CACNA1S: variants seen among roughly 807,000 people sequenced by gnomAD.
CACNA1S encodes the protein calcium voltage-gated channel subunit alpha1 S.
CACNA1S carries 126 observed loss-of-function variants against 207.4 expected under a neutral mutation model. The observed-to-expected ratio is 0.61, with a 90% CI of 0.53 to 0.70. CACNA1S has a LOEUF of 0.70. Among genes scored for constraint, CACNA1S ranks in the 30% least tolerant of loss-of-function variants. The pLI, the probability that CACNA1S is intolerant of heterozygous loss-of-function variation, is 0.00. For missense variants in CACNA1S, 2,349 were observed against 2,422.8 expected (o/e 0.97, Z 0.64); for synonymous variants, 960 against 932.7 (o/e 1.03, Z -0.53).
At chr1:201,099,316 G>C in intron 2 of CACNA1S, among the ~76,000 whole-genome samples, 1 of 152,316 alleles carries the variant, frequency 6.6e-6, no homozygotes, top group Middle Eastern at 3.4e-3. Flanking sequence ...CATGTGCCCC[G>C]CTGGAGGGTT....
intron 21 of CACNA1S, 24 bp from the exon 22 acceptor site, chr1:201,065,969 G>GC: frequency 2.6e-6 from 4 of 1,509,816 alleles, no homozygotes; most frequent in Non-Finnish European, 3.7e-6. Context: ...GGCCAATGGG[G>GC]ACTGGGGGTG....
chr1:201,054,906 C>T (rs758506981), intron 28 of CACNA1S, among the ~76,000 whole-genome samples: 7 of 152,162 alleles, frequency 4.6e-5, no homozygotes, highest in South Asian at 2.1e-4. Context: ...ATGCTGGGGA[C>T]GTCCCTAATG....
rs1426489241 is a variant in CACNA1S at position 201,061,449 on chromosome 1, C to T, written c.3073G>A (p.Asp1025Asn). 2 of 1,614,206 alleles carry T rather than the reference C, an allele frequency of 1.2e-6. No individual in the cohort carries two copies. Among genetic ancestry groups the T allele is most frequent in the Non-Finnish European group, 1.7e-6 (2 of 1,180,034 alleles). The change falls in exon 25 of 44, where the codon GAC (aspartate) becomes AAC (asparagine). Residue 1025 changes from aspartate to asparagine, a missense_variant. By Grantham distance (23) the Asp-to-Asn change is conservative. Transcript: ENST00000362061. The part of the protein sequence containing the change: ...GWPQLLYKAI[D>N]SNAEDVGPIY... ...GGACCCACGTCCTCCGCATTGGAGTCTATGGCCTTGTACAGCAGCCTGGGG... is the reference window on the plus strand; with the variant it reads ...GGACCCACGTCCTCCGCATTGGAGTTTATGGCCTTGTACAGCAGCCTGGGG...
In CACNA1S at chr1:201,053,189, T is replaced by C; in HGVS notation, c.3861+20A>G. 6.2e-7 allele frequency: 1 copy of C among 1,614,108 alleles called. No homozygotes were observed. Among genetic ancestry groups the C allele is most frequent in the Non-Finnish European group, 8.5e-7 (1 of 1,179,992 alleles). On this transcript the variant is annotated intron_variant, in intron 31 of 43. Coordinates refer to ENST00000362061, the MANE Select transcript of CACNA1S (RefSeq NM_000069.3). This position sits in a 1 kb window ranked among gnomAD's most constrained non-coding sequence, Gnocchi z 5.1. ...CTTGGCCAAGATCCATGCTTTGGCC[T>C]GGGCCCGCCTGCCTCTCACCTGCAT...
At chr1:201,051,179 T>C in intron 32 of CACNA1S, 36 bp from the exon 33 acceptor site, 1 of 1,613,152 alleles carries the variant, frequency 6.2e-7, no homozygotes, top group Non-Finnish European at 8.5e-7. Context: ...ACCTATCTGC[T>C]CCTGCCTGGC....
In CACNA1S at chr1:201,066,290, A is replaced by G. The variant is rs541312932; in HGVS notation, c.2684T>C (p.Ile895Thr). The G allele has an allele frequency of 6.2e-7, 1 of 1,612,538 alleles. No individual in the cohort carries two copies. Among genetic ancestry groups the G allele is most frequent in the Non-Finnish European group, 8.5e-7 (1 of 1,179,880 alleles). The change falls in exon 21 of 44, where the codon ATC (isoleucine) becomes ACC (threonine). Residue 895 changes from isoleucine (I) to threonine (T), a missense_variant. Ile to Thr is a moderately conservative substitution (Grantham distance 89). Transcript: ENST00000362061. The surrounding 1 kb of genome is among the most constrained non-coding windows in gnomAD (Gnocchi z 4.3). ...LESSAISVVK[I>T]LRVLRVLRPL... ...TCGGAGCACCCTCAGCACCCTCAGG[A>G]TCTTCACCACGGAGATGGCACTGGA...
rs1558055163 is a variant in CACNA1S, at chr1:201,048,662, G to A, written c.4361C>T (p.Pro1454Leu). 6.2e-7 allele frequency: 1 copy of A among 1,613,440 alleles called. No homozygotes were observed. Among genetic ancestry groups the A allele is most frequent in the Non-Finnish European group, 8.5e-7 (1 of 1,179,986 alleles). Residue 1454 changes from proline to leucine, a missense_variant, in exon 36 of 44, where the codon CCC becomes CTC. Physicochemically the swap from Pro to Leu is moderately conservative, Grantham distance 98. Transcript: ENST00000362061. ...GGTGACTGTGCCGTCGCTGTTCAGG[G>A]GCATGTTCATGCCCACCAGCCGCTG... is the stretch of plus-strand genomic sequence containing the variant. ...ACKRLVGMNM[P>L]LNSDGTVTFN...
chr1:201,053,432 G>A lies in CACNA1S; in HGVS notation c.3795+27C>T, dbSNP rs764525155. ...TGTCCCTAGTGGCCTCCCCAGGTAC[G>A]TGCAGTTTCCAGGGTCCCTGTTGCA... On this transcript the variant is annotated intron_variant, in intron 30 of 43. Transcript: ENST00000362061. This position sits in a 1 kb window ranked among gnomAD's most constrained non-coding sequence, Gnocchi z 5.1. 5.6e-6 allele frequency: 9 copies of A among 1,614,112 alleles called. No individual in the cohort carries two copies. The highest frequency in any genetic ancestry group is 1.7e-5 in the Admixed American group (1 of 60,030).
chr1:201,091,835 C>T lies in CACNA1S; in HGVS notation c.542-43G>A, dbSNP rs1662245109. 3 of 1,597,956 alleles carry T rather than the reference C, an allele frequency of 1.9e-6. No homozygotes were observed. In the South Asian group the frequency reaches 3.3e-5, roughly 18 times the overall value. ...GAAGGGAAAAGAGGAGTCGCCTCTG[C>T]TTGGTCTCTTGGCCCTCCCTCCCTA... On this transcript the variant is annotated intron_variant, in intron 4 of 43. Transcript: ENST00000362061.
rs529663016 is a variant in CACNA1S at position 201,057,732 on chromosome 1, C to T, written c.3609+676G>A. The stretch of plus-strand genomic sequence containing the variant: ...ATCCCAGCACTTTGGGAGGCTGAGG[C>T]AGGTGGATCACTTGAGCCCAGGACT... On this transcript the variant is annotated intron_variant, in intron 28 of 43. Coordinates refer to ENST00000362061, the MANE Select transcript of CACNA1S (RefSeq NM_000069.3). Among the ~76,000 whole-genome samples the T allele has an allele frequency of 2.0e-5, 3 of 152,288 alleles. No homozygotes were observed. The East Asian group carries it at 5.8e-4, about 29-fold the overall frequency.
intron 25 of CACNA1S, 87 bp downstream of exon 25, chr1:201,061,180 C>CT: frequency 8.2e-7 from 1 of 1,224,056 alleles, no homozygotes; most frequent in Non-Finnish European, 1.2e-6. Flanking sequence ...ACCCTTAGGC[C>CT]TCTCTTCCCT....
intron 10 of CACNA1S, among the ~76,000 whole-genome samples, chr1:201,079,816 T>C (rs1661778131): frequency 6.6e-6 from 1 of 152,220 alleles, no homozygotes; most frequent in Non-Finnish European, 1.5e-5. Context: ...GAACACCCCT[T>C]TTCTCTTGCT....
chr1:201,097,692 T>A (rs1015488875), intron 2 of CACNA1S, among the ~76,000 whole-genome samples: 5 of 152,098 alleles, frequency 3.3e-5, no homozygotes, highest in Non-Finnish European at 7.4e-5. Context: ...CAAGAACAGG[T>A]GACATTCCCC....
intron 2 of CACNA1S, 66 bp downstream of exon 2, chr1:201,110,098 C>G (rs1390280957): frequency 7.0e-7 from 1 of 1,430,820 alleles, no homozygotes; most frequent in Non-Finnish European, 9.9e-7. Context: ...CAGAGTCCAC[C>G]AAGGGGGCCT....
rs200497542 is a variant in CACNA1S, at chr1:201,089,257, C to T, written c.900+1G>A. 6.2e-7 allele frequency: 1 copy of T among 1,614,128 alleles called. No individual in the cohort carries two copies. The highest frequency in any genetic ancestry group is 8.5e-7 in the Non-Finnish European group (1 of 1,179,938). ...TTCTGCAGGCGCGGGCCCAGACCCA[C>T]CCAGTAAAGGACGTCAGTCCATCCC... On this transcript the variant is annotated splice_donor_variant, in intron 6 of 43. Transcript: ENST00000362061. LOFTEE classifies it high-confidence loss of function.
At chr1:201,102,652 C>T (rs1429560673) in intron 2 of CACNA1S, among the ~76,000 whole-genome samples, 1 of 152,192 alleles carries the variant, frequency 6.6e-6, no homozygotes, top group Non-Finnish European at 1.5e-5. Flanking sequence ...AAGGTAGGTA[C>T]TCTTATCCCA....
At chr1:201,050,920 A>T in intron 33 of CACNA1S, 64 bp downstream of exon 33, 1 of 1,547,312 alleles carries the variant, frequency 6.5e-7, no homozygotes, top group Non-Finnish European at 8.9e-7. Context: ...AGGGGCAGGC[A>T]GGCTCCCCCA....
intron 11 of CACNA1S, among the ~76,000 whole-genome samples, 169 bp from the exon 12 acceptor site, chr1:201,077,296 C>A (rs1661665168): frequency 1.3e-5 from 2 of 152,326 alleles, no homozygotes; most frequent in Admixed American, 1.3e-4. Context: ...CTCTCTCCTT[C>A]CTGCAGAGCA....
At chr1:201,088,027 G>C in intron 6 of CACNA1S, 98 bp from the exon 7 acceptor site, 1 of 795,244 alleles carries the variant, frequency 1.3e-6, no homozygotes, top group South Asian at 1.4e-5. Context: ...GGGACAAGGA[G>C]AGAAGCCACG....
Sources: gnomAD v4.1 joint callset for allele counts (sites outside exome capture counted in the v4.1 genomes callset) on GRCh38, gnomAD v4.1.1 for gene constraint, Gnocchi (gnomAD v3.1) non-coding constraint, MANE v1.5 for transcripts, NCBI Gene and HGNC (gene_info 2026-07-23, HGNC 2026-07-21) for gene names.